KLKB1: variants seen among roughly 807,000 people sequenced by gnomAD.
KLKB1 encodes the protein kallikrein B1, also known as plasma kallikrein.
A neutral mutation model predicts 73.6 loss-of-function variants in KLKB1; 58 were observed. That is an observed-to-expected ratio of 0.79 (90% CI 0.64 to 0.98). The LOEUF (loss-of-function observed/expected upper bound fraction) is 0.98, where lower values mean the gene tolerates loss of function less well. Ranked by LOEUF, KLKB1 falls within the 50% of genes least tolerant of loss-of-function variation. KLKB1 has a pLI of 0.00. For missense variants in KLKB1, 737 were observed against 763.8 expected, an observed-to-expected ratio of 0.96 and a Z score of 0.41; for synonymous variants, 280 against 258.1, an observed-to-expected ratio of 1.08 and a Z score of -0.81.
chr4:186,258,305 C>A lies in KLKB1; in HGVS notation c.*93C>A. The stretch of plus-strand genomic sequence containing the variant: ...CTCATCTGCAAAGCATGGAGAGTGG[C>A]ATCTTCTTTGCATCCTAAGGACGAA... On this transcript the variant is annotated 3_prime_UTR_variant, in exon 15 of 15. Transcript: ENST00000264690. 1 of 1,074,718 alleles carries A rather than the reference C, an allele frequency of 9.3e-7. No individual in the cohort carries two copies. Among genetic ancestry groups the A allele is most frequent in the Non-Finnish European group, 1.4e-6 (1 of 712,474 alleles). 66.6% of individuals were successfully genotyped at this position (1,074,718 alleles called of 1,614,324 possible).
chr4:186,250,858 G>T (rs912082543), intron 7 of KLKB1, among the ~76,000 whole-genome samples: 1 of 152,156 alleles, frequency 6.6e-6, no homozygotes, highest in Admixed American at 6.5e-5. Context: ...ACCCTCTTCT[G>T]CACACAGCAT....
chr4:186,252,483 C>A lies in KLKB1; in HGVS notation c.1313+298C>A, dbSNP rs537961161. Among the ~76,000 whole-genome samples, 27 of 151,080 alleles carry A rather than the reference C, an allele frequency of 1.8e-4. 1 individual carries two copies. In the South Asian group the frequency reaches 5.7e-3, roughly 32 times the overall value. ...ACCACCAATCCCACCACCAATTCCA[C>A]CACCAATCCTGCCACCCACCACCAA... On this transcript the variant is annotated intron_variant, in intron 11 of 14. Transcript: ENST00000264690.
Position 186,251,998 on chromosome 4 carries a change from G to A in KLKB1, c.1145-19G>A, listed in dbSNP as rs374722483. 189 of 1,614,066 alleles carry A rather than the reference G, an allele frequency of 1.2e-4. 1 individual carries two copies. In the Middle Eastern group the frequency reaches 4.6e-3, roughly 39 times the overall value. ...TTCACTTCTAATTCCAACCATTAGCGTCAACGCTCTCTTTTCAGTCTGCAC... is the reference window on the plus strand; with the variant it reads ...TTCACTTCTAATTCCAACCATTAGCATCAACGCTCTCTTTTCAGTCTGCAC... On this transcript the variant is annotated intron_variant, in intron 10 of 14. Transcript: ENST00000264690.
chr4:186,214,127 A>G (rs1007285595), intron 2 of KLKB1, among the ~76,000 whole-genome samples: 1 of 152,184 alleles, frequency 6.6e-6, no homozygotes, highest in African/African-American at 2.4e-5. Context: ...TCTGTGGTGG[A>G]AACTCCAGGT....
intron 6 of KLKB1, among the ~76,000 whole-genome samples, chr4:186,246,388 C>A (rs2126659142): frequency 6.6e-6 from 1 of 152,220 alleles, no homozygotes; most frequent in African/African-American, 2.4e-5. Context: ...GGAACAGAGA[C>A]TAGGGAGGGA....
At chr4:186,234,138 C>A in intron 4 of KLKB1, 80 bp downstream of exon 4, 2 of 1,071,898 alleles carry the variant, frequency 1.9e-6, no homozygotes, top group Non-Finnish European at 2.9e-6. Context: ...GTTTGTACTG[C>A]TACAGCTTTT....
chr4:186,218,656 A>G (rs918786958), intron 2 of KLKB1, among the ~76,000 whole-genome samples: 50 of 144,862 alleles, frequency 3.5e-4, no homozygotes, highest in Middle Eastern at 3.6e-3. Flanking sequence ...GTGTGTGCGC[A>G]TGTGTGTGTG....
chr4:186,236,957 G>T lies in KLKB1; in HGVS notation c.488+17G>T, dbSNP rs372138508. ...AGAGTACCGGTGAGTACAATTCAAG[G>T]TGTGTGTTCTTTGTATTGGTGCCTC... On this transcript the variant is annotated intron_variant, in intron 5 of 14. Transcript: ENST00000264690. 8 of 1,613,674 alleles carry T rather than the reference G, an allele frequency of 5.0e-6. No individual in the cohort carries two copies. The African/African-American group carries it at 9.3e-5, about 19-fold the overall frequency.
chr4:186,224,040 C>T (rs1242327281), upstream of KLKB1, among the ~76,000 whole-genome samples: 2 of 152,258 alleles, frequency 1.3e-5, no homozygotes, highest in South Asian at 2.1e-4. Flanking sequence ...CTCAGGCTGT[C>T]GCTTCAAGGG....
chr4:186,225,588 C>T (rs184456818), upstream of KLKB1, among the ~76,000 whole-genome samples: 1,486 of 151,936 alleles, frequency 9.8e-3, 18 homozygotes, highest in Non-Finnish European at 0.015. Context: ...CCCACCACCA[C>T]GCCTGGCTAA....
chr4:186,250,922 C>T (rs1738634956), intron 7 of KLKB1: 1 of 409,842 alleles, frequency 2.4e-6, no homozygotes, highest in African/African-American at 2.0e-5. Context: ...CATAAATTCC[C>T]AGAATTTGTT....
At position 186,254,303 on chromosome 4, in the gene KLKB1, C is replaced by T. The variant is rs4253315; in HGVS notation, c.1314-285C>T. 0.19 allele frequency among the ~76,000 whole-genome samples: 29,006 copies of T among 152,182 alleles called. 3,560 individuals are homozygous for T. The highest frequency in any genetic ancestry group is 0.33 in the African/African-American group (13,809 of 41,490). On this transcript the variant is annotated intron_variant, in intron 11 of 14. Transcript: ENST00000264690. ...ATAAACTGCTAGTTTCTTCCCACTA[C>T]AGTGTCTCTCAAAAATGGGACAGCA...
chr4:186,258,435 A>G lies in KLKB1; in HGVS notation c.*223A>G. ...ATGCGAGGTCGCAACTGAGATCTCC[A>G]TGACTGTGTGTTGTGAAATAAAATG... On this transcript the variant is annotated 3_prime_UTR_variant, in exon 15 of 15. Coordinates refer to ENST00000264690, the MANE Select transcript of KLKB1 (RefSeq NM_000892.5). 8.4e-6 allele frequency: 5 copies of G among 596,598 alleles called. No individual in the cohort carries two copies. Among genetic ancestry groups the G allele is most frequent in the Non-Finnish European group, 1.2e-5 (4 of 332,192 alleles). The allele number at this position is 596,598 out of a possible 1,614,324, so 37.0% of individuals were successfully genotyped here. A position where few individuals can be genotyped will look rare whatever the true frequency, so the allele number is the denominator to read the frequency against.
intron 6 of KLKB1, among the ~76,000 whole-genome samples, chr4:186,243,296 A>G (rs1485264765): frequency 1.3e-5 from 2 of 152,172 alleles, no homozygotes; most frequent in African/African-American, 4.8e-5. Context: ...TGTAACTTAC[A>G]TGGAAGAGTT....
At chr4:186,243,816 A>G (rs1738183644) in intron 6 of KLKB1, among the ~76,000 whole-genome samples, 2 of 152,258 alleles carry the variant, frequency 1.3e-5, no homozygotes, top group African/African-American at 4.8e-5. Context: ...GGGGCAGAGC[A>G]GTAGCCTCAG....
chr4:186,215,123 T>C (rs1736853573), intron 2 of KLKB1, among the ~76,000 whole-genome samples: 1 of 152,212 alleles, frequency 6.6e-6, no homozygotes, highest in African/African-American at 2.4e-5. Context: ...ACAGACATTA[T>C]AGATCTTATC....
At chr4:186,244,749 G>A (rs1018564370) in intron 6 of KLKB1, among the ~76,000 whole-genome samples, 7 of 152,202 alleles carry the variant, frequency 4.6e-5, no homozygotes, top group African/African-American at 1.7e-4. Flanking sequence ...TTTTGGACAG[G>A]TAAAATGGGG....
At chr4:186,211,694 C>CACAT (rs1554075272) in intron 2 of KLKB1, 1 of 22,234 alleles carries the variant, frequency 4.5e-5, no homozygotes, top group Non-Finnish European at 2.2e-4. Context: ...CACACACACA[C>CACAT]ACATACACAC....
rs148183376 is a variant in KLKB1 at position 186,236,877 on chromosome 4, C to T, written c.425C>T (p.Thr142Ile). 1 of 1,613,880 alleles carries T rather than the reference C, an allele frequency of 6.2e-7. No individual in the cohort carries two copies. Among genetic ancestry groups the T allele is most frequent in the Non-Finnish European group, 8.5e-7 (1 of 1,179,940 alleles). The change falls in exon 5 of 15, where the codon ACC becomes ATC. Residue 142 changes from threonine (T) to isoleucine (I), a missense_variant. By Grantham distance (89) the Thr-to-Ile change is moderately conservative (BLOSUM62 -1). Transcript: ENST00000264690. ...GTTGAAGAATGCCAAAAAAGGTGCA[C>T]CAGTAACATTCGCTGCCAGTTTTTT... Reference protein sequence around the residue: ...SSVEECQKRCTSNIRCQFFSY... With the variant: ...SSVEECQKRCISNIRCQFFSY...
Sources: allele counts gnomAD v4.1 joint callset (sites outside exome capture counted in the v4.1 genomes callset), GRCh38; gene constraint gnomAD v4.1.1; transcripts MANE v1.5; gene names NCBI Gene and HGNC (gene_info 2026-07-23, HGNC 2026-07-21).